The following CDH13 variants were observed in gnomAD, a reference collection of about 807,000 sequenced individuals.
The protein encoded by CDH13 is cadherin-13.
Under a neutral mutation model 63.8 loss-of-function variants are expected in CDH13, and 24 were observed. The ratio of observed to expected loss-of-function variants is 0.38; its 90% CI spans 0.27 to 0.53. The LOEUF is 0.53. Among genes scored for constraint, CDH13 ranks in the 20% least tolerant of loss-of-function variants. The pLI is 0.85. For missense variants in CDH13, 1,049 were observed against 903.1 expected, an observed-to-expected ratio of 1.16 and a Z score of -2.07; for synonymous variants, 503 against 355.3, an observed-to-expected ratio of 1.42 and a Z score of -4.67.
intron 3 of CDH13, among the ~76,000 whole-genome samples, chr16:83,085,062 C>A (rs112338407): frequency 1.3e-5 from 2 of 152,172 alleles, no homozygotes; most frequent in African/African-American, 4.8e-5. Context: ...CATAGTTTTC[C>A]CCTTATATTG....
rs918039940 is a variant in CDH13, at chr16:83,795,327, T to G, written c.*297T>G. On this transcript the variant is annotated 3_prime_UTR_variant, in exon 14 of 14. Coordinates refer to ENST00000567109, the MANE Select transcript of CDH13 (RefSeq NM_001257.5). Reference sequence around the variant, plus strand: ...ACAATGACTACTTTTTCTGGTGTGTTAACATGTCGCTAGCCAGTGCTCCAG... The same window carrying G: ...ACAATGACTACTTTTTCTGGTGTGTGAACATGTCGCTAGCCAGTGCTCCAG... 13 of 406,856 alleles carry G rather than the reference T, an allele frequency of 3.2e-5. No homozygotes were observed. Among genetic ancestry groups the G allele is most frequent in the Non-Finnish European group, 4.5e-5 (10 of 224,454 alleles). 25.2% of individuals were successfully genotyped at this position (406,856 alleles called of 1,614,324 possible). A position where few individuals can be genotyped will look rare whatever the true frequency, so the allele number is the denominator to read the frequency against.
intron 8 of CDH13, among the ~76,000 whole-genome samples, chr16:83,662,530 A>G (rs1913530704): frequency 6.6e-6 from 1 of 152,188 alleles, no homozygotes; most frequent in Non-Finnish European, 1.5e-5. Context: ...CAAACAGTGC[A>G]GAATCGGGGC....
chr16:83,306,474 C>T (rs572354360), intron 5 of CDH13, among the ~76,000 whole-genome samples: 8 of 152,276 alleles, frequency 5.3e-5, no homozygotes, highest in African/African-American at 1.9e-4. Flanking sequence ...AAGCAGGATG[C>T]CCCTTGGGTT....
chr16:83,234,260 C>T (rs867883220), intron 5 of CDH13, among the ~76,000 whole-genome samples: 8 of 152,198 alleles, frequency 5.3e-5, no homozygotes, highest in South Asian at 4.2e-4. Context: ...AGGTGCTTTG[C>T]GGGGATGATT....
chr16:83,497,060 G>A (rs1318604623), intron 7 of CDH13, among the ~76,000 whole-genome samples: 1 of 152,202 alleles, frequency 6.6e-6, no homozygotes, highest in African/African-American at 2.4e-5. Context: ...TACACTGTTG[G>A]TGGGACTGTA....
At chr16:83,079,850 C>G (rs1409372276) in intron 3 of CDH13, among the ~76,000 whole-genome samples, 1 of 152,102 alleles carries the variant, frequency 6.6e-6, no homozygotes, top group African/African-American at 2.4e-5. Flanking sequence ...ACATATCTAC[C>G]TTATATAAAT....
chr16:82,735,614 AGTGTGATGTG>A (rs1312650952), intron 1 of CDH13, among the ~76,000 whole-genome samples: 4 of 152,232 alleles, frequency 2.6e-5, no homozygotes, highest in Non-Finnish European at 5.9e-5. Flanking sequence ...CATTTATTGC[AGTGTGATGTG>A]GTTTGACACA....
chr16:82,717,402 C>G (rs1051311047), intron 1 of CDH13, among the ~76,000 whole-genome samples: 26 of 148,482 alleles, frequency 1.8e-4, no homozygotes, highest in Middle Eastern at 3.6e-3. Flanking sequence ...CACCACTGCA[C>G]TCCAGCCTGG....
chr16:83,217,502 G>A lies in CDH13; in HGVS notation c.636+5G>A. 6.2e-7 allele frequency: 1 copy of A among 1,612,122 alleles called. No individual in the cohort carries two copies. The highest frequency in any genetic ancestry group is 8.5e-7 in the Non-Finnish European group (1 of 1,178,568). On this transcript the variant is annotated splice_donor_5th_base_variant and intron_variant, in intron 5 of 13. Transcript: ENST00000567109. ...GAAGTAATCGCTGTTTATCAAGTGA[G>A]TACCCCTCTCCCATGCCCACCCTGT...
At chr16:83,181,570 C>A (rs2038349622) in intron 4 of CDH13, among the ~76,000 whole-genome samples, 1 of 152,154 alleles carries the variant, frequency 6.6e-6, no homozygotes, top group Admixed American at 6.5e-5. Flanking sequence ...GAGCTAGAAT[C>A]TTATGCCTGC....
chr16:83,325,483 C>T (rs1417670267), intron 5 of CDH13, among the ~76,000 whole-genome samples: 1 of 152,162 alleles, frequency 6.6e-6, no homozygotes, highest in Non-Finnish European at 1.5e-5. Context: ...GTACTTTAGG[C>T]CTTGCGAGTC....
intron 7 of CDH13, among the ~76,000 whole-genome samples, chr16:83,511,384 C>A (rs989366214): frequency 6.6e-6 from 1 of 151,972 alleles, no homozygotes; most frequent in African/African-American, 2.4e-5. Flanking sequence ...ATTGCTTGAA[C>A]CAGGGAGGCC....
chr16:83,430,945 C>A (rs558593282), intron 6 of CDH13, among the ~76,000 whole-genome samples: 37 of 151,246 alleles, frequency 2.4e-4, no homozygotes, highest in Non-Finnish European at 4.4e-4. Context: ...TTAGGTATAT[C>A]TCCCAATGCC....
intron 5 of CDH13, among the ~76,000 whole-genome samples, chr16:83,222,278 A>G (rs143108618): frequency 6.6e-6 from 1 of 152,196 alleles, no homozygotes; most frequent in African/African-American, 2.4e-5. Context: ...GAATGTTGTC[A>G]TAAAATTGAA....
chr16:83,113,364 G>A (rs1243827495), intron 3 of CDH13, among the ~76,000 whole-genome samples: 1 of 152,204 alleles, frequency 6.6e-6, no homozygotes, highest in African/African-American at 2.4e-5. Flanking sequence ...ACCAGCTACT[G>A]TGCTAACTCC....
chr16:83,704,599 C>G (rs1388567320), intron 10 of CDH13, among the ~76,000 whole-genome samples: 2 of 152,324 alleles, frequency 1.3e-5, no homozygotes, highest in East Asian at 3.9e-4. Context: ...CCAGGGAAAG[C>G]TGTGTCTCCC....
chr16:82,799,006 T>TA (rs1457596040), intron 1 of CDH13, among the ~76,000 whole-genome samples: 6 of 152,188 alleles, frequency 3.9e-5, no homozygotes, highest in Non-Finnish European at 8.8e-5. Flanking sequence ...CTGGGCAGTC[T>TA]ATCACCAGAG....
chr16:83,216,629 G>T (rs1364265600), intron 4 of CDH13, among the ~76,000 whole-genome samples: 19 of 139,788 alleles, frequency 1.4e-4, no homozygotes, highest in African/African-American at 4.7e-4. Flanking sequence ...AATACATAGG[G>T]GTTTAATATA....
intron 2 of CDH13, among the ~76,000 whole-genome samples, chr16:82,920,104 C>T (rs779375219): frequency 6.6e-6 from 1 of 152,178 alleles, no homozygotes; most frequent in Non-Finnish European, 1.5e-5. Context: ...CTGCATGCCT[C>T]ATGTATGCGA....
Sources: gnomAD v4.1 joint callset for allele counts (sites outside exome capture counted in the v4.1 genomes callset) on GRCh38, gnomAD v4.1.1 for gene constraint, MANE v1.5 for transcripts, NCBI Gene and HGNC (gene_info 2026-07-23, HGNC 2026-07-21) for gene names.